The following DPYD variants were observed in gnomAD, a reference collection of about 807,000 sequenced individuals.
DPYD encodes the protein dihydropyrimidine dehydrogenase [NADP(+)].
DPYD carries 109 observed loss-of-function variants against 116.2 expected under a neutral mutation model. That is an observed-to-expected ratio of 0.94 (90% CI 0.80 to 1.10). The LOEUF is 1.10. Ranked by LOEUF, DPYD falls within the 50% of genes least tolerant of loss-of-function variation. The pLI is 0.00. For missense variants in DPYD, 1,302 were observed against 1,254.5 expected (o/e 1.04, Z -0.57); for synonymous variants, 440 against 432.0 (o/e 1.02, Z -0.23).
chr1:97,605,038 A>G (rs1026006861), intron 8 of DPYD, among the ~76,000 whole-genome samples: 5 of 152,080 alleles, frequency 3.3e-5, no homozygotes, highest in African/African-American at 1.2e-4. Context: ...CAATTACACT[A>G]TACCATATCC....
At chr1:97,805,699 A>G (rs1040816156) in intron 3 of DPYD, among the ~76,000 whole-genome samples, 12 of 151,770 alleles carry the variant, frequency 7.9e-5, no homozygotes, top group Non-Finnish European at 1.8e-4. Context: ...AAGGAGAAGT[A>G]GACAAACAAA....
intron 12 of DPYD, among the ~76,000 whole-genome samples, chr1:97,537,950 C>A (rs1650140898): frequency 6.6e-6 from 1 of 152,212 alleles, no homozygotes; most frequent in Admixed American, 6.5e-5. Context: ...GCCTGTAATC[C>A]CAGCTACTTG....
chr1:97,177,188 T>C lies in DPYD; in HGVS notation c.2622+15881A>G, dbSNP rs549907829. Among the ~76,000 whole-genome samples the C allele has an allele frequency of 9.8e-5, 15 of 152,304 alleles. No homozygotes were observed. The East Asian group carries it at 2.9e-3, about 29-fold the overall frequency. On this transcript the variant is annotated intron_variant, in intron 20 of 22. Coordinates refer to ENST00000370192, the MANE Select transcript of DPYD (RefSeq NM_000110.4). ...GGCACAATTATATTACTGTTAATGT[T>C]TGCATCTATAATGACCAGCAAATAC... is the stretch of plus-strand genomic sequence containing the variant.
chr1:97,316,677 C>A (rs1011515733), intron 16 of DPYD, among the ~76,000 whole-genome samples: 2 of 151,718 alleles, frequency 1.3e-5, no homozygotes, highest in African/African-American at 4.8e-5. Flanking sequence ...ATCCATTCTG[C>A]TTGTTTGAAG....
chr1:97,242,124 GTATATATATA>G (rs71590220), intron 18 of DPYD, among the ~76,000 whole-genome samples: 33 of 35,854 alleles, frequency 9.2e-4, no homozygotes, highest in South Asian at 3.9e-3. Context: ...GTGTGCGTGT[GTATATATATA>G]TATATATATA....
chr1:97,348,537 G>T (rs1378929830), intron 16 of DPYD, among the ~76,000 whole-genome samples: 2 of 152,156 alleles, frequency 1.3e-5, no homozygotes, highest in African/African-American at 4.8e-5. Context: ...CACTTTGTCT[G>T]CACCTGGCTT....
intron 18 of DPYD, among the ~76,000 whole-genome samples, chr1:97,259,314 G>C (rs556004564): frequency 6.6e-6 from 1 of 152,146 alleles, no homozygotes; most frequent in South Asian, 2.1e-4. Flanking sequence ...ATCATAAAAA[G>C]CTTGGTATAC....
intron 18 of DPYD, chr1:97,295,908 A>C (rs897749040): frequency 4.2e-5 from 9 of 214,982 alleles, no homozygotes; most frequent in African/African-American, 2.1e-4. Flanking sequence ...AGAAATCTAT[A>C]TATCCCACAA....
chr1:97,633,914 A>AGTT (rs1478279443), intron 8 of DPYD, among the ~76,000 whole-genome samples: 1 of 152,072 alleles, frequency 6.6e-6, no homozygotes, highest in Non-Finnish European at 1.5e-5. Context: ...CAGTGATAAG[A>AGTT]GTTGTTCTTC....
At chr1:97,399,969 G>C (rs1673272275) in intron 14 of DPYD, among the ~76,000 whole-genome samples, 1 of 152,164 alleles carries the variant, frequency 6.6e-6, no homozygotes, top group Non-Finnish European at 1.5e-5. Flanking sequence ...GCCCTGGCCA[G>C]AACTTCCAGC....
Position 97,721,661 on chromosome 1 carries a change from C to T in DPYD, c.332G>A (p.Gly111Glu), listed in dbSNP as rs762533012. 5 of 1,610,852 alleles carry T rather than the reference C, an allele frequency of 3.1e-6. No homozygotes were observed. Among genetic ancestry groups the T allele is most frequent in the Non-Finnish European group, 3.4e-6 (4 of 1,177,898 alleles). The change falls in exon 5 of 23, where the codon GGA becomes GAA. Residue 111 changes from glycine to glutamate, a missense_variant. Physicochemically the swap from Gly to Glu is moderately conservative, Grantham distance 98. Transcript: ENST00000370192. ...ITSIANKNYY[G>E]AAKMIFSDNP... ...GTCAGAAAATATCATCTTAGCAGCT[C>T]CATAATAGTTCTGCAAAATTAATAC...
chr1:97,766,076 A>T (rs1222629330), intron 3 of DPYD, among the ~76,000 whole-genome samples: 2 of 151,908 alleles, frequency 1.3e-5, no homozygotes, highest in Non-Finnish European at 2.9e-5. Context: ...AAACTCTACT[A>T]AAAAAACACA....
chr1:97,788,024 T>C (rs899049357), intron 3 of DPYD, among the ~76,000 whole-genome samples: 2 of 152,198 alleles, frequency 1.3e-5, no homozygotes, highest in African/African-American at 4.8e-5. Flanking sequence ...GCAGCTTTAC[T>C]TCAAAGATGG....
At chr1:97,559,536 C>T (rs1262134309) in intron 11 of DPYD, among the ~76,000 whole-genome samples, 2 of 152,118 alleles carry the variant, frequency 1.3e-5, no homozygotes, top group Non-Finnish European at 2.9e-5. Context: ...ATCTGTGAAG[C>T]TTCAGTAAAC....
intron 12 of DPYD, among the ~76,000 whole-genome samples, chr1:97,527,070 CA>C (rs1333446937): frequency 6.6e-6 from 1 of 151,726 alleles, no homozygotes; most frequent in Non-Finnish European, 1.5e-5. Flanking sequence ...AAACTGCCCC[CA>C]ACCTTTTTTT....
At chr1:97,638,686 A>C (rs903751962) in intron 8 of DPYD, among the ~76,000 whole-genome samples, 1 of 152,160 alleles carries the variant, frequency 6.6e-6, no homozygotes, top group African/African-American at 2.4e-5. Flanking sequence ...GTGAGGCCTC[A>C]GTAGACTTAC....
intron 14 of DPYD, among the ~76,000 whole-genome samples, chr1:97,387,312 A>T (rs1307644667): frequency 1.3e-5 from 2 of 152,098 alleles, no homozygotes; most frequent in Non-Finnish European, 2.9e-5. Flanking sequence ...GGCACACAAA[A>T]AGGAGCTTGA....
At chr1:97,092,145 C>A (rs1395379778) in intron 21 of DPYD, among the ~76,000 whole-genome samples, 1 of 152,076 alleles carries the variant, frequency 6.6e-6, no homozygotes, top group Non-Finnish European at 1.5e-5. Flanking sequence ...CACTTGTCAC[C>A]ATCTGACATA....
chr1:97,641,588 T>C (rs987068184), intron 8 of DPYD, among the ~76,000 whole-genome samples: 8 of 152,134 alleles, frequency 5.3e-5, no homozygotes, highest in African/African-American at 1.4e-4. Flanking sequence ...TAGGTATTGA[T>C]GGAACGTATC....
Sources: allele counts gnomAD v4.1 joint callset (sites outside exome capture counted in the v4.1 genomes callset), GRCh38; gene constraint gnomAD v4.1.1; transcripts MANE v1.5; gene names NCBI Gene and HGNC (gene_info 2026-07-23, HGNC 2026-07-21).